Variants in PSG7 observed in about 807,000 individuals in gnomAD.
PSG7 encodes the protein pregnancy-specific beta-1-glycoprotein 7.
A neutral mutation model predicts 45.6 loss-of-function variants in PSG7; 57 were observed. That is an observed-to-expected ratio of 1.25 (90% CI 1.01 to 1.56). The LOEUF is 1.56. Ranked by LOEUF, PSG7 falls within the 40% of genes most tolerant of loss-of-function variation. The probability of loss-of-function intolerance (pLI) is 0.00; values close to 1 mark genes in which losing one functional copy is unlikely to be tolerated. For synonymous variants in PSG7, 298 were observed against 194.4 expected (o/e 1.53, Z -4.43); for missense variants, 796 against 508.4 (o/e 1.57, Z -5.44).
At position 42,935,424 on chromosome 19, in the gene PSG7, C is replaced by A. The variant is rs184987448; in HGVS notation, c.410G>T (p.Arg137Leu). The A allele has an allele frequency of 3.8e-5, 62 of 1,611,736 alleles. No homozygotes were observed. The African/African-American group carries it at 6.6e-4, about 17-fold the overall frequency. The change falls in exon 2 of 6, where the codon CGT (arginine) becomes CTT (leucine). Residue 137 changes from arginine to leucine, a missense_variant. Coordinates refer to ENST00000406070, the MANE Select transcript of PSG7 (RefSeq NM_002783.3). ...CTCACGGTATAAGGTGAAGGTGAAA[C>A]GTCCAGTTACTCCTCCAGTCCCATC... Reference protein sequence around the residue: ...RGDGTGGVTGRFTFTLYLETP... With the variant: ...RGDGTGGVTGLFTFTLYLETP...
chr19:42,936,365 C>G (rs965456357), intron 1 of PSG7: 4 of 158,236 alleles, frequency 2.5e-5, no homozygotes, highest in African/African-American at 9.7e-5. Context: ...GCCTCCATGC[C>G]CTGGGTGTTT....
At chr19:42,925,590 C>T (rs1972863433) in intron 5 of PSG7, 183 bp downstream of exon 5, 1 of 1,399,322 alleles carries the variant, frequency 7.1e-7, no homozygotes, top group African/African-American at 1.5e-5. Flanking sequence ...ATGAAGATAT[C>T]AGCCTGTTTG....
At chr19:42,926,067 A>G (rs1181455164) in intron 4 of PSG7, 40 bp from the exon 5 acceptor site, 1 of 1,602,622 alleles carries the variant, frequency 6.2e-7, no homozygotes, top group African/African-American at 1.3e-5. Flanking sequence ...ATGTTATCCG[A>G]GGGAAGGGGA....
At chr19:42,935,900 AC>A in intron 1 of PSG7, 131 bp from the exon 2 acceptor site, 1 of 1,286,556 alleles carries the variant, frequency 7.8e-7, no homozygotes, top group Non-Finnish European at 1.1e-6. Flanking sequence ...ACACACACAC[AC>A]ACACACACAC....
chr19:42,935,519 T>G lies in PSG7; in HGVS notation c.315A>C (p.Ala105=). The change falls in exon 2 of 6, where the codon GCA becomes GCC. Residue 105 remains alanine, a synonymous_variant. Transcript: ENST00000406070. ...YSGRETVYSN[A]SLLIQNVTQE... ...GGGTGACATTCTGGATCAGCAGGGA[T>G]GCATTGGAATATACTGTTTCTCGTC... 4 of 1,612,230 alleles carry G rather than the reference T, an allele frequency of 2.5e-6. No homozygotes were observed. In the South Asian group the frequency reaches 3.3e-5, roughly 13 times the overall value.
intron 5 of PSG7, chr19:42,925,570 T>C: frequency 7.6e-7 from 1 of 1,311,442 alleles, no homozygotes; most frequent in South Asian, 1.6e-5. Flanking sequence ...TGGTCTAGGC[T>C]GGGAATGTTA....
At chr19:42,931,205 T>A (rs3859465) in intron 2 of PSG7, among the ~76,000 whole-genome samples, 24,822 of 151,446 alleles carry the variant, frequency 0.16, 2,637 homozygotes, top group African/African-American at 0.22. Flanking sequence ...ATGTTTTCAT[T>A]AGTGGAAATT....
intron 4 of PSG7, 87 bp from the exon 5 acceptor site, chr19:42,926,114 G>A: frequency 4.5e-6 from 7 of 1,545,004 alleles, no homozygotes; most frequent in Non-Finnish European, 6.1e-6. Flanking sequence ...GTGACCCTCT[G>A]AGCCGAGACA....
In PSG7 at chr19:42,935,517, G is replaced by A. The variant is rs1368206323; in HGVS notation, c.317C>T (p.Ser106Phe). 1.9e-6 allele frequency: 3 copies of A among 1,612,070 alleles called. No individual in the cohort carries two copies. Among genetic ancestry groups the A allele is most frequent in the East Asian group, 2.2e-5 (1 of 44,784 alleles). Residue 106 changes from serine to phenylalanine, a missense_variant, in exon 2 of 6, where the codon TCC becomes TTC. Transcript: ENST00000406070. ...CTGGGTGACATTCTGGATCAGCAGG[G>A]ATGCATTGGAATATACTGTTTCTCG... ...SGRETVYSNA[S>F]LLIQNVTQED...
At chr19:42,936,749 G>A (rs1049717853) in intron 1 of PSG7, among the ~76,000 whole-genome samples, 3 of 151,272 alleles carry the variant, frequency 2.0e-5, no homozygotes, top group Non-Finnish European at 4.4e-5. Flanking sequence ...CCGGGTTCAT[G>A]TGATTCTCCT....
In PSG7 at chr19:42,935,395, A is replaced by G. The variant is rs376478106; in HGVS notation, c.430+9T>C. The G allele has an allele frequency of 1.9e-5, 30 of 1,611,178 alleles. No individual in the cohort carries two copies. The highest frequency in any genetic ancestry group is 1.6e-4 in the Middle Eastern group (1 of 6,066). ...CCCCAACACCCAGGGACCATGTGGA[A>G]TCACTCACGGTATAAGGTGAAGGTG... On this transcript the variant is annotated intron_variant, in intron 2 of 5. Coordinates refer to ENST00000406070, the MANE Select transcript of PSG7 (RefSeq NM_002783.3).
At chr19:42,926,210 G>A (rs376124509) in intron 4 of PSG7, 183 bp from the exon 5 acceptor site, 2 of 1,389,350 alleles carry the variant, frequency 1.4e-6, no homozygotes. Flanking sequence ...ACAAGCTGTG[G>A]GCCCCAAGTC....
intron 3 of PSG7, among the ~76,000 whole-genome samples, chr19:42,928,135 G>C (rs1481911877): frequency 6.6e-6 from 1 of 151,412 alleles, no homozygotes. Flanking sequence ...TTCCATACTG[G>C]CCATGCTGCA....
At chr19:42,933,400 G>A (rs1184165239) in intron 2 of PSG7, among the ~76,000 whole-genome samples, 5 of 141,080 alleles carry the variant, frequency 3.5e-5, no homozygotes, top group African/African-American at 1.3e-4. Context: ...GCCTATCCCT[G>A]TCCCATGGTC....
chr19:42,933,307 A>ATATATATTTT lies in PSG7; in HGVS notation c.430+2096_430+2097insAAAATATATA, dbSNP rs56691588. ...TATATATATATATATATATATATAT[A>ATATATATTTT]TTTTTTTTTTTTTTTGGTGTATGTA... On this transcript the variant is annotated intron_variant, in intron 2 of 5. Transcript: ENST00000406070. 7.4e-4 allele frequency among the ~76,000 whole-genome samples: 10 copies of ATATATATTTT among 13,498 alleles called. 1 individual carries two copies. Among genetic ancestry groups the ATATATATTTT allele is most frequent in the Admixed American group, 1.6e-3 (1 of 634 alleles). The allele number at this position is 13,498 out of a possible 152,430, so 8.9% of individuals were successfully genotyped here.
At chr19:42,931,848 A>C (rs1017831371) in intron 2 of PSG7, among the ~76,000 whole-genome samples, 1 of 151,340 alleles carries the variant, frequency 6.6e-6, no homozygotes, top group African/African-American at 2.4e-5. Context: ...TGCTATTGTC[A>C]AAACAAAATA....
In PSG7 at chr19:42,937,136, T is replaced by A. The variant is rs541511261; in HGVS notation, c.-60A>T. 9.5e-6 allele frequency: 15 copies of A among 1,581,984 alleles called. 2 individuals are homozygous for A. In the East Asian group the frequency reaches 2.7e-4, roughly 29 times the overall value. On this transcript the variant is annotated 5_prime_UTR_variant, in exon 1 of 6. Transcript: ENST00000406070. ...ATGAGCCTAGGATCCAGAATCTTCC[T>A]GAGCACGGCTGTCAGCTGTGCTGTC...
intron 3 of PSG7, chr19:42,927,012 C>G: frequency 2.0e-6 from 1 of 490,236 alleles, no homozygotes; most frequent in Non-Finnish European, 3.5e-6. Context: ...CTCCCAGTCC[C>G]TCACTAATGA....
intron 3 of PSG7, chr19:42,929,198 A>C (rs1600565786): frequency 1.1e-6 from 1 of 900,740 alleles, no homozygotes; most frequent in Non-Finnish European, 1.6e-6. Flanking sequence ...TGAGACATTC[A>C]CCTGTTTCTT....
Sources: allele counts gnomAD v4.1 joint callset (sites outside exome capture counted in the v4.1 genomes callset), GRCh38; gene constraint gnomAD v4.1.1; transcripts MANE v1.5; gene names NCBI Gene and HGNC (gene_info 2026-07-23, HGNC 2026-07-21).